The following EFCAB12 variants were observed in gnomAD, a reference collection of about 807,000 sequenced individuals.
EFCAB12 encodes the protein EF-hand calcium-binding domain-containing protein 12.
Under a neutral mutation model 53.6 loss-of-function variants are expected in EFCAB12, and 43 were observed. The ratio of observed to expected loss-of-function variants is 0.80; its 90% confidence interval spans 0.63 to 1.03. EFCAB12 has a LOEUF of 1.03. Among genes scored for constraint, EFCAB12 ranks in the 50% least tolerant of loss-of-function variants. The probability of loss-of-function intolerance (pLI) is 0.00; values close to 1 mark genes in which losing one functional copy is unlikely to be tolerated. For missense variants in EFCAB12, 646 were observed against 730.6 expected (o/e 0.88, Z 1.34); for synonymous variants, 269 against 289.2 (o/e 0.93, Z 0.71).
rs566098709 is a variant in EFCAB12 at position 129,408,904 on chromosome 3, C to T, written c.1036-46G>A. The T allele has an allele frequency of 3.6e-5, 55 of 1,540,280 alleles. No individual in the cohort carries two copies. The East Asian group carries it at 1.1e-3, about 32-fold the overall frequency. Reference sequence around the variant, plus strand: ...GGCTCGCCCTTCTCTCGCCTGTGTCCCTCCTCCTGGCCAGAAGAAGGAAGA... The same window carrying T: ...GGCTCGCCCTTCTCTCGCCTGTGTCTCTCCTCCTGGCCAGAAGAAGGAAGA... On this transcript the variant is annotated intron_variant, in intron 5 of 8. Coordinates refer to ENST00000505956, the MANE Select transcript of EFCAB12 (RefSeq NM_207307.3).
At position 129,421,734 on chromosome 3, in the gene EFCAB12, T is replaced by C. The variant is rs1559792029; in HGVS notation, c.119A>G (p.His40Arg). 1 of 1,613,880 alleles carries C rather than the reference T, an allele frequency of 6.2e-7. No individual in the cohort carries two copies. The highest frequency in any genetic ancestry group is 8.5e-7 in the Non-Finnish European group (1 of 1,179,854). Residue 40 changes from histidine (H) to arginine (R), a missense_variant, in exon 2 of 9, where the codon CAC becomes CGC. His to Arg is a conservative substitution (Grantham distance 29, BLOSUM62 0). Coordinates refer to ENST00000505956, the MANE Select transcript of EFCAB12 (RefSeq NM_207307.3). ...CTTCTGCTGGAACTGCTTGAAGCAG[T>C]GGGCAATGACCGGTTCAGGATCAAA... ...PVFDPEPVIAHCFKQFQQKDF... is the reference protein window; with the variant it reads ...PVFDPEPVIARCFKQFQQKDF...
intron 1 of EFCAB12, among the ~76,000 whole-genome samples, chr3:129,424,226 T>C (rs1054924515): frequency 1.3e-5 from 2 of 152,224 alleles, no homozygotes; most frequent in African/African-American, 2.4e-5. Flanking sequence ...GCCCATGTGT[T>C]CCTTTCAGAG....
In EFCAB12 at chr3:129,404,275, G is replaced by C; in HGVS notation, c.1378C>G (p.Pro460Ala). 1 of 1,613,762 alleles carries C rather than the reference G, an allele frequency of 6.2e-7. No homozygotes were observed. The highest frequency in any genetic ancestry group is 8.5e-7 in the Non-Finnish European group (1 of 1,179,750). Residue 460 changes from proline to alanine, a missense_variant, in exon 7 of 9, where the codon CCT becomes GCT. By Grantham distance (27) the Pro-to-Ala change is conservative. Transcript: ENST00000505956. Reference protein sequence around the residue: ...PNLALLRSQGPGKSKRTDKKT... With the variant: ...PNLALLRSQGAGKSKRTDKKT... ...TTGTCAGTCCTCTTAGACTTGCCAG[G>C]GCCCTGGGACCGGAGCAGAGCCAGA...
At chr3:129,407,968 G>A (rs2071974757) in intron 6 of EFCAB12, among the ~76,000 whole-genome samples, 1 of 152,198 alleles carries the variant, frequency 6.6e-6, no homozygotes, top group African/African-American at 2.4e-5. Flanking sequence ...TGCAGGCATT[G>A]CTAAATTGTC....
intron 6 of EFCAB12, among the ~76,000 whole-genome samples, chr3:129,405,627 A>G (rs1049746341): frequency 1.3e-5 from 2 of 152,192 alleles, no homozygotes; most frequent in Non-Finnish European, 2.9e-5. Flanking sequence ...CAATAAAGCT[A>G]TATTCACAGG....
chr3:129,411,113 G>T (rs947289728), intron 5 of EFCAB12, 45 bp downstream of exon 5: 5 of 1,536,328 alleles, frequency 3.3e-6, no homozygotes, highest in African/African-American at 1.4e-5. Flanking sequence ...AACCCCAGCT[G>T]CTCCAGTCCC....
At chr3:129,422,704 A>G (rs902387165) in intron 1 of EFCAB12, among the ~76,000 whole-genome samples, 1 of 152,170 alleles carries the variant, frequency 6.6e-6, no homozygotes, top group African/African-American at 2.4e-5. Context: ...CTCATGCTGA[A>G]TGAGGGCTGA....
chr3:129,404,482 G>GT, intron 6 of EFCAB12, 79 bp from the exon 7 acceptor site: 5 of 1,311,292 alleles, frequency 3.8e-6, no homozygotes, highest in East Asian at 2.7e-5. Flanking sequence ...GTCAGAGGAG[G>GT]TGTTTTTTTT....
intron 1 of EFCAB12, among the ~76,000 whole-genome samples, chr3:129,422,356 A>G (rs1379068484): frequency 6.6e-6 from 1 of 152,152 alleles, no homozygotes; most frequent in African/African-American, 2.4e-5. Context: ...ATTGGTATAT[A>G]CTCACCATGC....
chr3:129,421,890 G>C, intron 1 of EFCAB12, 87 bp from the exon 2 acceptor site: 1 of 1,311,960 alleles, frequency 7.6e-7, no homozygotes. Context: ...GCTCCAGGCT[G>C]GGCAACAGGG....
At chr3:129,417,067 C>A (rs2072124177) in intron 3 of EFCAB12, among the ~76,000 whole-genome samples, 2 of 152,050 alleles carry the variant, frequency 1.3e-5, no homozygotes, top group Non-Finnish European at 2.9e-5. Flanking sequence ...TGGCTCATGC[C>A]TGTAATCCCA....
At chr3:129,421,013 T>G (rs1256807117) in intron 2 of EFCAB12, among the ~76,000 whole-genome samples, 1 of 152,258 alleles carries the variant, frequency 6.6e-6, no homozygotes, top group Admixed American at 6.5e-5. Flanking sequence ...TGAGCCAGCT[T>G]GGAAGCAGAT....
rs1368514225 is a variant in EFCAB12 at position 129,421,605 on chromosome 3, G to C, written c.248C>G (p.Pro83Arg). The change falls in exon 2 of 9, where the codon CCC becomes CGC. Residue 83 changes from proline (P) to arginine (R), a missense_variant. Transcript: ENST00000505956. ...TTCCAGAACTTTGAAGCTGGGGATG[G>C]GCTTTGGGGGAGCCTGAGGTTGGGA... ...PASQPQAPPK[P>R]IPSFKVLEAR... 2 of 1,614,006 alleles carry C rather than the reference G, an allele frequency of 1.2e-6. No homozygotes were observed. The highest frequency in any genetic ancestry group is 3.3e-5 in the Admixed American group (2 of 60,026).
intron 6 of EFCAB12, among the ~76,000 whole-genome samples, chr3:129,405,474 G>A (rs1024037291): frequency 6.6e-6 from 1 of 152,168 alleles, no homozygotes; most frequent in African/African-American, 2.4e-5. Context: ...ATAATTTTCT[G>A]TAAATGGAAA....
At chr3:129,420,966 G>A (rs1238620728) in intron 2 of EFCAB12, among the ~76,000 whole-genome samples, 1 of 152,236 alleles carries the variant, frequency 6.6e-6, no homozygotes, top group African/African-American at 2.4e-5. Context: ...GGTCCATGTG[G>A]GGAGGAACTG....
At chr3:129,417,257 G>A (rs572107679) in intron 3 of EFCAB12, among the ~76,000 whole-genome samples, 2 of 149,110 alleles carry the variant, frequency 1.3e-5, no homozygotes, top group Admixed American at 6.7e-5. Flanking sequence ...CCTGGGAGGC[G>A]GAGGTTGCAG....
chr3:129,405,922 A>C (rs546617134), intron 6 of EFCAB12, among the ~76,000 whole-genome samples: 1 of 152,314 alleles, frequency 6.6e-6, no homozygotes, highest in African/African-American at 2.4e-5. Flanking sequence ...AGCAGCTAGC[A>C]GAAGCCAGGG....
intron 8 of EFCAB12, among the ~76,000 whole-genome samples, chr3:129,402,216 C>A (rs1559781792): frequency 6.6e-6 from 1 of 152,364 alleles, no homozygotes; most frequent in Non-Finnish European, 1.5e-5. Context: ...CAGATCCCCA[C>A]TGCATCACTT....
chr3:129,403,260 C>G (rs1214264150), intron 7 of EFCAB12: 8 of 152,626 alleles, frequency 5.2e-5, no homozygotes, highest in African/African-American at 1.9e-4. Context: ...AGGCCTGGGC[C>G]TACTCCTGCA....
Sources: gnomAD v4.1 joint callset for allele counts (sites outside exome capture counted in the v4.1 genomes callset) on GRCh38, gnomAD v4.1.1 for gene constraint, MANE v1.5 for transcripts, NCBI Gene and HGNC (gene_info 2026-07-23, HGNC 2026-07-21) for gene names.